AGBL4: variants seen among roughly 807,000 people sequenced by gnomAD.
AGBL4 encodes cytosolic carboxypeptidase 6.
In AGBL4, 58 loss-of-function variants were observed where a neutral mutation model predicts 66.4. The ratio of observed to expected loss-of-function variants is 0.87; its 90% CI spans 0.71 to 1.09. The LOEUF is 1.09. Among genes scored for constraint, AGBL4 ranks in the 50% least tolerant of loss-of-function variants. The pLI is 0.00. For missense variants in AGBL4, 579 were observed against 631.0 expected, an observed-to-expected ratio of 0.92 and a Z score of 0.88; for synonymous variants, 234 against 222.9, an observed-to-expected ratio of 1.05 and a Z score of -0.44.
chr1:49,614,621 A>T (rs1645217204), intron 3 of AGBL4, among the ~76,000 whole-genome samples: 1 of 152,186 alleles, frequency 6.6e-6, no homozygotes, highest in African/African-American at 2.4e-5. Context: ...GTACTTTTAT[A>T]GTATTTTTCC....
At chr1:48,866,428 C>A (rs1338167941) in intron 6 of AGBL4, among the ~76,000 whole-genome samples, 1 of 152,192 alleles carries the variant, frequency 6.6e-6, no homozygotes, top group Non-Finnish European at 1.5e-5. Flanking sequence ...CCTAGCATAG[C>A]AGATGGCTGT....
intron 5 of AGBL4, among the ~76,000 whole-genome samples, chr1:48,910,722 G>A (rs368786825): frequency 1.3e-5 from 2 of 152,050 alleles, no homozygotes; most frequent in Non-Finnish European, 2.9e-5. Flanking sequence ...AGGCATCCCC[G>A]AGGGAAAGAC....
At chr1:49,389,321 CAG>C (rs1557894284) in intron 3 of AGBL4, among the ~76,000 whole-genome samples, 1 of 152,034 alleles carries the variant, frequency 6.6e-6, no homozygotes, top group Non-Finnish European at 1.5e-5. Flanking sequence ...ACAGAGGAAA[CAG>C]ACCTTAAATC....
intron 2 of AGBL4, among the ~76,000 whole-genome samples, chr1:49,784,025 T>A (rs1338791367): frequency 6.6e-6 from 1 of 152,148 alleles, no homozygotes; most frequent in Non-Finnish European, 1.5e-5. Context: ...AGATATCTCA[T>A]GGTCATAGAT....
chr1:49,601,593 G>A (rs2124164935), intron 3 of AGBL4, among the ~76,000 whole-genome samples: 1 of 152,140 alleles, frequency 6.6e-6, no homozygotes. Flanking sequence ...ACAAAAACAA[G>A]CAATGGGGAA....
chr1:49,494,188 A>G (rs1283413963), intron 3 of AGBL4, among the ~76,000 whole-genome samples: 2 of 151,992 alleles, frequency 1.3e-5, no homozygotes, highest in Non-Finnish European at 2.9e-5. Flanking sequence ...AGTGGTAAGA[A>G]ACACAATAGG....
intron 5 of AGBL4, among the ~76,000 whole-genome samples, chr1:48,954,527 A>G (rs1361191692): frequency 1.3e-5 from 2 of 152,218 alleles, no homozygotes; most frequent in Non-Finnish European, 2.9e-5. Flanking sequence ...TTTTGCCTTA[A>G]AGGTTGTTAA....
the AGBL4 span, among the ~76,000 whole-genome samples, chr1:48,526,783 A>G: frequency 6.6e-6 from 1 of 151,794 alleles, no homozygotes; most frequent in Non-Finnish European, 1.5e-5. Flanking sequence ...TAACCACACC[A>G]GCAACAATTG....
intron 2 of AGBL4, among the ~76,000 whole-genome samples, chr1:49,815,636 A>T (rs1203668946): frequency 6.6e-6 from 1 of 152,078 alleles, no homozygotes; most frequent in Non-Finnish European, 1.5e-5. Context: ...CATCAACAGT[A>T]TATGAGGGGG....
intron 5 of AGBL4, among the ~76,000 whole-genome samples, chr1:49,024,525 G>T (rs1012750158): frequency 6.6e-6 from 1 of 151,986 alleles, no homozygotes; most frequent in Admixed American, 6.6e-5. Context: ...GGGTAATCTT[G>T]GACAAGTTAC....
At chr1:48,653,506 C>T (rs913157467) in intron 7 of AGBL4, 55 bp from the exon 8 acceptor site, 1 of 1,343,224 alleles carries the variant, frequency 7.4e-7, no homozygotes, top group African/African-American at 1.5e-5. Context: ...AAGAAGGAAA[C>T]ACATTTTTCT....
chr1:48,664,174 C>T (rs320011), intron 6 of AGBL4, among the ~76,000 whole-genome samples: 74,915 of 151,926 alleles, frequency 0.49, 19,835 homozygotes, highest in Middle Eastern at 0.65. Context: ...TCAAGTTCAG[C>T]AGGTAGTAGT....
chr1:48,770,253 A>C (rs1399493818), intron 6 of AGBL4, among the ~76,000 whole-genome samples: 1 of 152,220 alleles, frequency 6.6e-6, no homozygotes, highest in Non-Finnish European at 1.5e-5. Context: ...CTGCTTATGT[A>C]TTTAGCTGTC....
intron 5 of AGBL4, among the ~76,000 whole-genome samples, chr1:48,878,308 C>G (rs1171449850): frequency 6.6e-6 from 1 of 152,162 alleles, no homozygotes; most frequent in Non-Finnish European, 1.5e-5. Context: ...TGAAATGGAT[C>G]AGGAACACTT....
At position 48,736,452 on chromosome 1, in the gene AGBL4, C is replaced by T. The variant is rs1257246284; in HGVS notation, c.635-73211G>A. On this transcript the variant is annotated intron_variant, in intron 6 of 13. Transcript: ENST00000371839. The surrounding 1 kb of genome is among the most constrained non-coding windows in gnomAD (Gnocchi z 4.0). ...ACCCAAATCCCGCTTCCCAGATGGACCTGAGAGGAATAAGAACACCAGCAC... is the reference window on the plus strand; with the variant it reads ...ACCCAAATCCCGCTTCCCAGATGGATCTGAGAGGAATAAGAACACCAGCAC... The T allele has an allele frequency of 6.2e-7, 1 of 1,613,952 alleles. No individual in the cohort carries two copies. Among genetic ancestry groups the T allele is most frequent in the Admixed American group, 1.7e-5 (1 of 60,018 alleles).
chr1:48,761,498 TC>T (rs1217858970), intron 6 of AGBL4: 2 of 1,543,446 alleles, frequency 1.3e-6, no homozygotes, highest in Non-Finnish European at 8.7e-7. Flanking sequence ...AGAACAAGGT[TC>T]ATCATGAGTT....
At chr1:49,400,469 G>A (rs1486986276) in intron 3 of AGBL4, among the ~76,000 whole-genome samples, 1 of 151,408 alleles carries the variant, frequency 6.6e-6, no homozygotes, top group Non-Finnish European at 1.5e-5. Flanking sequence ...GATTGCTTTG[G>A]AGAGTATAAA....
chr1:49,623,193 C>T (rs927942344), intron 3 of AGBL4, among the ~76,000 whole-genome samples: 4 of 152,164 alleles, frequency 2.6e-5, no homozygotes, highest in African/African-American at 9.7e-5. Flanking sequence ...GTGATCGCTC[C>T]ACAAAGGTTT....
intron 11 of AGBL4, among the ~76,000 whole-genome samples, chr1:48,574,675 T>A (rs201851869): frequency 6.6e-6 from 1 of 151,546 alleles, no homozygotes; most frequent in East Asian, 1.9e-4. Flanking sequence ...CTTGCATCCC[T>A]CCCAGCCACA....
Sources: allele counts gnomAD v4.1 joint callset (sites outside exome capture counted in the v4.1 genomes callset), GRCh38; gene constraint gnomAD v4.1.1; non-coding constraint Gnocchi (gnomAD v3.1); transcripts MANE v1.5; gene names NCBI Gene and HGNC (gene_info 2026-07-23, HGNC 2026-07-21).